Variants in MAP1B observed in about 807,000 individuals in gnomAD.
The protein encoded by MAP1B is microtubule-associated protein 1B.
Under a neutral mutation model 176.1 loss-of-function variants are expected in MAP1B, and 12 were observed. The observed-to-expected ratio is 0.07, with a 90% CI of 0.04 to 0.11. MAP1B has a LOEUF of 0.11. Ranked by LOEUF, MAP1B falls within the 10% of genes least tolerant of loss-of-function variation. The pLI is 1.00. For synonymous variants in MAP1B, 1,044 were observed against 1,135.0 expected, an observed-to-expected ratio of 0.92 and a Z score of 1.61; for missense variants, 2,523 against 2,990.5, an observed-to-expected ratio of 0.84 and a Z score of 3.65.
intron 2 of MAP1B, among the ~76,000 whole-genome samples, chr5:72,173,458 C>T (rs984752068): frequency 1.3e-5 from 2 of 152,140 alleles, no homozygotes; most frequent in East Asian, 1.9e-4. Context: ...ATAGGAAATA[C>T]AAAAGCAGGA....
Position 72,207,113 on chromosome 5 carries a change from A to T in MAP1B, c.*1874A>T, listed in dbSNP as rs553858186. 6.6e-6 allele frequency: 1 copy of T among 152,200 alleles called. No individual in the cohort carries two copies. The highest frequency in any genetic ancestry group is 1.5e-5 in the Non-Finnish European group (1 of 68,034). The allele number at this position is 152,200 out of a possible 1,614,324, so 9.4% of individuals were successfully genotyped here. A position where few individuals can be genotyped will look rare whatever the true frequency, so the allele number is the denominator to read the frequency against. ...GTAGAGTTTAGAGAAAATTTCCATC[A>T]TTGTCATCATTGAACTGTGAACCTG... is the stretch of plus-strand genomic sequence containing the variant. On this transcript the variant is annotated 3_prime_UTR_variant, in exon 7 of 7. Coordinates refer to ENST00000296755, the MANE Select transcript of MAP1B (RefSeq NM_005909.5).
chr5:72,128,423 AC>A (rs1373493439), intron 2 of MAP1B, among the ~76,000 whole-genome samples: 9 of 147,694 alleles, frequency 6.1e-5, no homozygotes, highest in Non-Finnish European at 1.2e-4. Context: ...AAAAAAAAAA[AC>A]ACTCAAAACT....
chr5:72,176,422 C>G (rs183521678), intron 2 of MAP1B, among the ~76,000 whole-genome samples: 265 of 152,282 alleles, frequency 1.7e-3, no homozygotes, highest in African/African-American at 6.1e-3. Flanking sequence ...GACAAGGGTC[C>G]CCAGGCCTGT....
At chr5:72,122,847 C>T (rs1460027662) in intron 2 of MAP1B, among the ~76,000 whole-genome samples, 2 of 152,098 alleles carry the variant, frequency 1.3e-5, no homozygotes, top group African/African-American at 2.4e-5. Flanking sequence ...GTGCGTTCCA[C>T]GACAGCTGCT....
chr5:72,140,924 T>A (rs1250935607), intron 2 of MAP1B, among the ~76,000 whole-genome samples: 1 of 152,182 alleles, frequency 6.6e-6, no homozygotes, highest in African/African-American at 2.4e-5. Context: ...CACCGCCCAA[T>A]AAAACCATTC....
rs1194814567 is a variant in MAP1B at position 72,107,593 on chromosome 5, C to T, written c.62C>T (p.Ala21Val). The change falls in exon 1 of 7, where the codon GCG becomes GTG. Residue 21 changes from alanine to valine, a missense_variant. Physicochemically the swap from Ala to Val is moderately conservative, Grantham distance 64. Coordinates refer to ENST00000296755, the MANE Select transcript of MAP1B (RefSeq NM_005909.5). ...PEPSGSIANP[A>V]ASTSPSLSHR... is the part of the protein sequence containing the mutation. Reference sequence around the variant, plus strand: ...CCGTCCGGCAGCATCGCCAACCCGGCGGCGTCCACCTCGCCTAGCCTGTCG... The same window carrying T: ...CCGTCCGGCAGCATCGCCAACCCGGTGGCGTCCACCTCGCCTAGCCTGTCG... 2 of 1,593,774 alleles carry T rather than the reference C, an allele frequency of 1.3e-6. No homozygotes were observed. Among genetic ancestry groups the T allele is most frequent in the Non-Finnish European group, 1.7e-6 (2 of 1,176,442 alleles).
At chr5:72,152,057 C>G (rs1421143276) in intron 2 of MAP1B, among the ~76,000 whole-genome samples, 2 of 152,096 alleles carry the variant, frequency 1.3e-5, no homozygotes, top group African/African-American at 4.8e-5. Flanking sequence ...CAGATTTTTT[C>G]CTGATCTCTC....
At chr5:72,126,693 C>G (rs1043910864) in intron 2 of MAP1B, among the ~76,000 whole-genome samples, 8 of 152,180 alleles carry the variant, frequency 5.3e-5, no homozygotes, top group Admixed American at 5.2e-4. Context: ...CTTACAATGG[C>G]TTTTAATCCA....
intron 2 of MAP1B, among the ~76,000 whole-genome samples, chr5:72,151,837 T>C (rs1746145823): frequency 1.3e-5 from 2 of 152,226 alleles, no homozygotes; most frequent in Non-Finnish European, 2.9e-5. Flanking sequence ...GGGTTGTGTT[T>C]TTAATCACTT....
Position 72,112,358 on chromosome 5 carries a change from T to A in MAP1B, c.185-3340T>A, listed in dbSNP as rs181680488. Reference sequence around the variant, plus strand: ...AGCTTTTAAATGGGAGGTGCTTTTTTAAATTGTTGGTTTCATTAAACAACC... The same window carrying A: ...AGCTTTTAAATGGGAGGTGCTTTTTAAAATTGTTGGTTTCATTAAACAACC... On this transcript the variant is annotated intron_variant, in intron 1 of 6. Transcript: ENST00000296755. Among the ~76,000 whole-genome samples the A allele has an allele frequency of 4.6e-5, 7 of 152,346 alleles. No homozygotes were observed. The East Asian group carries it at 1.3e-3, about 29-fold the overall frequency.
Position 72,186,804 on chromosome 5 carries a change from A to G in MAP1B, c.510+50A>G, listed in dbSNP as rs978801751. ...GTGCTTCTAGTGGCTTGGTTGCCTT[A>G]GGTTCCTCTTTGAGAGCACTGGGGG... On this transcript the variant is annotated intron_variant, in intron 4 of 6. Coordinates refer to ENST00000296755, the MANE Select transcript of MAP1B (RefSeq NM_005909.5). The surrounding 1 kb of genome is among the most constrained non-coding windows in gnomAD (Gnocchi z 4.3). 8 of 1,607,200 alleles carry G rather than the reference A, an allele frequency of 5.0e-6. No homozygotes were observed. Among genetic ancestry groups the G allele is most frequent in the Non-Finnish European group, 6.8e-6 (8 of 1,177,274 alleles).
At position 72,199,812 on chromosome 5, in the gene MAP1B, T is replaced by C; in HGVS notation, c.6457T>C (p.Ser2153Pro). The change falls in exon 5 of 7, where the codon TCA (serine) becomes CCA (proline). Residue 2153 changes from serine (S) to proline (P), a missense_variant. By Grantham distance (74) the Ser-to-Pro change is moderately conservative. Transcript: ENST00000296755. The surrounding 1 kb of genome is among the most constrained non-coding windows in gnomAD (Gnocchi z 4.2). ...AACCCCTCCCACCTCAGTCAGCGAG[T>C]CAGCCCCATCCCAGACCGACTCTGA... ...DETPPTSVSE[S>P]APSQTDSDVP... 6.2e-7 allele frequency: 1 copy of C among 1,613,788 alleles called. No homozygotes were observed. Among genetic ancestry groups the C allele is most frequent in the Non-Finnish European group, 8.5e-7 (1 of 1,179,924 alleles).
intron 5 of MAP1B, among the ~76,000 whole-genome samples, chr5:72,202,612 CT>C (rs1238924514): frequency 1.3e-5 from 2 of 152,150 alleles, no homozygotes; most frequent in African/African-American, 4.8e-5. Flanking sequence ...GCCTGGGGTG[CT>C]TTTAAAAGAC....
In MAP1B at chr5:72,203,688, G is replaced by T. The variant is rs1419717432; in HGVS notation, c.7138G>T (p.Val2380Leu). The change falls in exon 6 of 7, where the codon GTG becomes TTG. Residue 2380 changes from valine (V) to leucine (L), a missense_variant. Val to Leu is a conservative substitution (Grantham distance 32, BLOSUM62 1). Transcript: ENST00000296755. ...TGTTGATGTGGAATTTTTCAAGAGA[G>T]TGCGGTCTTCCTACTACGTGGTGAG... ...KNVDVEFFKR[V>L]RSSYYVVSGN... 1 of 1,614,140 alleles carries T rather than the reference G, an allele frequency of 6.2e-7. No homozygotes were observed. Among genetic ancestry groups the T allele is most frequent in the Non-Finnish European group, 8.5e-7 (1 of 1,180,018 alleles).
chr5:72,173,446 A>G (rs2112197262), intron 2 of MAP1B, among the ~76,000 whole-genome samples: 1 of 152,344 alleles, frequency 6.6e-6, no homozygotes, highest in African/African-American at 2.4e-5. Context: ...TTGTTTTAAC[A>G]AATAGGAAAT....
chr5:72,148,578 T>C (rs1422828804), intron 2 of MAP1B, among the ~76,000 whole-genome samples: 1 of 152,222 alleles, frequency 6.6e-6, no homozygotes, highest in Non-Finnish European at 1.5e-5. Flanking sequence ...GAATCTGCAT[T>C]TTGAACAAGC....
chr5:72,157,302 T>C (rs981186413), intron 2 of MAP1B, among the ~76,000 whole-genome samples: 2 of 152,236 alleles, frequency 1.3e-5, no homozygotes, highest in Non-Finnish European at 2.9e-5. Context: ...GTGCATAAAG[T>C]ACCATTAGTG....
At chr5:72,143,309 T>C (rs1204558451) in intron 2 of MAP1B, among the ~76,000 whole-genome samples, 1 of 152,188 alleles carries the variant, frequency 6.6e-6, no homozygotes, top group Admixed American at 6.5e-5. Context: ...ACAAATACAT[T>C]TCCTTTTTAG....
chr5:72,115,746 A>G lies in MAP1B; in HGVS notation c.233A>G (p.Glu78Gly). The G allele has an allele frequency of 6.2e-7, 1 of 1,614,062 alleles. No individual in the cohort carries two copies. Among genetic ancestry groups the G allele is most frequent in the Non-Finnish European group, 8.5e-7 (1 of 1,179,910 alleles). Residue 78 changes from glutamate (E) to glycine (G), a missense_variant, in exon 2 of 7, where the codon GAA becomes GGA. Glu to Gly is a moderately conservative substitution (Grantham distance 98). Around this residue, in one of 4 missense-constraint regions of MAP1B, gnomAD observed 307 missense variants for 438.4 expected, o/e 0.70. Transcript: ENST00000296755. The stretch of plus-strand genomic sequence containing the variant: ...CTGATTGAATGCAACTTGGACCAAG[A>G]ACTCAAACTTTTTGTATCTCGACAC... ...TNLIECNLDQ[E>G]LKLFVSRHSA... is the part of the protein sequence containing the mutation.
Sources: gnomAD v4.1 joint callset for allele counts (sites outside exome capture counted in the v4.1 genomes callset) on GRCh38, gnomAD v4.1.1 for gene constraint, gnomAD v4.1.1 regional missense constraint, Gnocchi (gnomAD v3.1) non-coding constraint, MANE v1.5 for transcripts, NCBI Gene and HGNC (gene_info 2026-07-23, HGNC 2026-07-21) for gene names.